EXOC7: variants seen among roughly 807,000 people sequenced by gnomAD.
EXOC7 encodes exocyst complex component 7, also known as exocyst complex component Exo70.
Under a neutral mutation model 87.6 loss-of-function variants are expected in EXOC7, and 51 were observed. That is an observed-to-expected ratio of 0.58 (90% confidence interval 0.46 to 0.73). The LOEUF is 0.73. Among genes scored for constraint, EXOC7 ranks in the 30% least tolerant of loss-of-function variants. EXOC7 has a pLI of 0.00. For synonymous variants in EXOC7, 327 were observed against 357.1 expected, an observed-to-expected ratio of 0.92 and a Z score of 0.95; for missense variants, 744 against 888.4, an observed-to-expected ratio of 0.84 and a Z score of 2.07.
chr17:76,092,242 A>ACTG (rs1274369199), intron 6 of EXOC7: 2 of 150,692 alleles, frequency 1.3e-5, no homozygotes, highest in African/African-American at 4.9e-5. Flanking sequence ...CTGGAGGCTC[A>ACTG]CTGCTTACAC....
rs2067459178 is a variant in EXOC7, at chr17:76,091,124, G to A, written c.901+19C>T. ...ACAGTGGAGGAGGAAGGGACAGGAG[G>A]GGAACACAGGGTGATTACCTTCCAG... On this transcript the variant is annotated intron_variant, in intron 7 of 18. Transcript: ENST00000589210. The A allele has an allele frequency of 3.1e-6, 5 of 1,602,966 alleles. No individual in the cohort carries two copies. The East Asian group carries it at 6.7e-5, about 21-fold the overall frequency.
In EXOC7 at chr17:76,094,416, G is replaced by A. The variant is rs763549915; in HGVS notation, c.806C>T (p.Pro269Leu). 6.2e-7 allele frequency: 1 copy of A among 1,612,448 alleles called. No individual in the cohort carries two copies. Among genetic ancestry groups the A allele is most frequent in the Non-Finnish European group, 8.5e-7 (1 of 1,179,110 alleles). Reference protein sequence around the residue: ...DTPTKKPVKRPGTIRKAQNLL... With the variant: ...DTPTKKPVKRLGTIRKAQNLL... ...GATGGGCCAGGATGGGGGCTCACCT[G>A]GCCGCTTGACTGGCTTCTTGGTAGG... is the stretch of plus-strand genomic sequence containing the variant. Residue 269 changes from proline to leucine, a missense_variant and splice_region_variant, in exon 6 of 19, where the codon CCA becomes CTA. This residue lies in a region of EXOC7 where 512 missense variants were observed against 573.0 expected (regional missense o/e 0.89). Transcript: ENST00000589210.
At chr17:76,090,653 G>A in intron 7 of EXOC7, 1 of 641,486 alleles carries the variant, frequency 1.6e-6, no homozygotes, top group East Asian at 2.8e-5. Flanking sequence ...GGAGGCCCAG[G>A]GAAAGCGGAG....
intron 2 of EXOC7, among the ~76,000 whole-genome samples, 188 bp from the exon 3 acceptor site, chr17:76,102,051 T>A (rs2144712413): frequency 6.6e-6 from 1 of 152,278 alleles, no homozygotes; most frequent in East Asian, 1.9e-4. Flanking sequence ...ATATAGTAGG[T>A]GGTCTAAGAC....
In EXOC7 at chr17:76,085,683, A is replaced by G; in HGVS notation, c.1610T>C (p.Leu537Pro). 1.2e-6 allele frequency: 2 copies of G among 1,614,086 alleles called. No individual in the cohort carries two copies. The highest frequency in any genetic ancestry group is 1.7e-6 in the Non-Finnish European group (2 of 1,180,034). The change falls in exon 14 of 19, where the codon CTG becomes CCG. Residue 537 changes from leucine (L) to proline (P), a missense_variant. Around this residue, in one of 3 missense-constraint regions of EXOC7, gnomAD observed 228 missense variants for 298.6 expected, o/e 0.76. Coordinates refer to ENST00000589210, the MANE Select transcript of EXOC7 (RefSeq NM_001013839.4). ...HNNYNYILKS[L>P]EKSELIQLVA... Reference sequence around the variant, plus strand: ...ACTCCCGCAGGCCACTTACTTCTCCAGGGACTTGAGGATGTAATTGTAGTT... The same window carrying G: ...ACTCCCGCAGGCCACTTACTTCTCCGGGGACTTGAGGATGTAATTGTAGTT...
chr17:76,090,038 C>T (rs961548135), intron 7 of EXOC7, among the ~76,000 whole-genome samples: 3 of 152,228 alleles, frequency 2.0e-5, no homozygotes, highest in Non-Finnish European at 4.4e-5. Flanking sequence ...TTGCAGGAGG[C>T]GGACGTCAGG....
Position 76,090,510 on chromosome 17 carries a change from G to A in EXOC7, c.901+633C>T, listed in dbSNP as rs764260467. On this transcript the variant is annotated intron_variant, in intron 7 of 18. Coordinates refer to ENST00000589210, the MANE Select transcript of EXOC7 (RefSeq NM_001013839.4). ...CATCTCCAGGAGGGGGACGTCAGATGGGGATGGGGAAGGGGGCATCGGAGA... is the reference window on the plus strand; with the variant it reads ...CATCTCCAGGAGGGGGACGTCAGATAGGGATGGGGAAGGGGGCATCGGAGA... 34 of 1,547,958 alleles carry A rather than the reference G, an allele frequency of 2.2e-5. No homozygotes were observed. In the Middle Eastern group the frequency reaches 1.3e-3, roughly 61 times the overall value.
intron 2 of EXOC7, among the ~76,000 whole-genome samples, chr17:76,102,677 A>C (rs901281476): frequency 6.6e-6 from 1 of 152,204 alleles, no homozygotes; most frequent in Non-Finnish European, 1.5e-5. Flanking sequence ...ACTAAATGCA[A>C]ATACAAGTTT....
Position 76,084,801 on chromosome 17 carries a change from G to A in EXOC7, c.1713-221C>T, listed in dbSNP as rs186591997. 1.3e-3 allele frequency: 735 copies of A among 581,132 alleles called. 3 individuals carry two copies. Among genetic ancestry groups the A allele is most frequent in the East Asian group, 6.5e-3 (227 of 35,152 alleles). 36.0% of individuals were successfully genotyped at this position (581,132 alleles called of 1,614,324 possible). ...GAAACACTTGAGTGTTCAATAAATT[G>A]GACAAATACTGTCAACTATACTTCA... On this transcript the variant is annotated intron_variant, in intron 15 of 18. Transcript: ENST00000589210.
rs145407229 is a variant in EXOC7 at position 76,094,891 on chromosome 17, G to A, written c.641-310C>T. ...CTCCCAGAGTGCTGGGATTACAGGC[G>A]TGAGTCACCATGCCTGGCCAGGCAG... On this transcript the variant is annotated intron_variant, in intron 5 of 18. Coordinates refer to ENST00000589210, the MANE Select transcript of EXOC7 (RefSeq NM_001013839.4). Among the ~76,000 whole-genome samples the A allele has an allele frequency of 2.8e-3, 425 of 149,152 alleles. 4 individuals carry two copies. Among genetic ancestry groups the A allele is most frequent in the African/African-American group, 0.01 (407 of 40,360 alleles).
rs1004011277 is a variant in EXOC7 at position 76,082,924 on chromosome 17, G to A, written c.*724C>T. The A allele has an allele frequency of 1.0e-4, 31 of 310,556 alleles. No homozygotes were observed. Among genetic ancestry groups the A allele is most frequent in the African/African-American group, 6.0e-4 (28 of 46,540 alleles). The allele number at this position is 310,556 out of a possible 1,614,324, so 19.2% of individuals were successfully genotyped here. The stretch of plus-strand genomic sequence containing the variant: ...CATTGTCCCTGTCTCCCAGCCCACA[G>A]GCAGGCAGCCTAATTGCTCCTTCTG... On this transcript the variant is annotated 3_prime_UTR_variant, in exon 19 of 19. Transcript: ENST00000589210.
rs371681819 is a variant in EXOC7, at chr17:76,101,411, T to C, written c.312-35A>G. ...AAAAGAGCCAGGTCAGGCTGGGGCA[T>C]GGGGGATGAAGAAGGACTAAGGACA... On this transcript the variant is annotated intron_variant, in intron 3 of 18. Transcript: ENST00000589210. 3.7e-6 allele frequency: 6 copies of C among 1,611,872 alleles called. No individual in the cohort carries two copies. The African/African-American group carries it at 6.7e-5, about 18-fold the overall frequency.
At chr17:76,092,925 C>T (rs2067567840) in intron 6 of EXOC7, 1 of 152,380 alleles carries the variant, frequency 6.6e-6, no homozygotes, top group Non-Finnish European at 1.5e-5. Flanking sequence ...CCTGAGCCCA[C>T]CAGTTCCTGA....
At chr17:76,103,568 A>C in intron 1 of EXOC7, 65 bp downstream of exon 1, 2 of 1,597,730 alleles carry the variant, frequency 1.3e-6, no homozygotes, top group Non-Finnish European at 1.7e-6. Context: ...ATGAGTAGAC[A>C]ATCAGGCCCC....
chr17:76,082,219 G>C lies in EXOC7; in HGVS notation c.*1429C>G. 1.1e-6 allele frequency: 1 copy of C among 929,640 alleles called. No homozygotes were observed. Among genetic ancestry groups the C allele is most frequent in the East Asian group, 2.7e-5 (1 of 37,508 alleles). The allele number at this position is 929,640 out of a possible 1,614,324, so 57.6% of individuals were successfully genotyped here. A position where few individuals can be genotyped will look rare whatever the true frequency, so the allele number is the denominator to read the frequency against. On this transcript the variant is annotated 3_prime_UTR_variant, in exon 19 of 19. Coordinates refer to ENST00000589210, the MANE Select transcript of EXOC7 (RefSeq NM_001013839.4). ...CCTTAGAAGAAACAGGTCTGGGGCA[G>C]GGAGCAAGCTGAGCCTCCCTGAAGT...
At chr17:76,094,254 T>G in intron 6 of EXOC7, 160 bp downstream of exon 6, 1 of 693,208 alleles carries the variant, frequency 1.4e-6, no homozygotes, top group Non-Finnish European at 2.3e-6. Flanking sequence ...CTTCACTGGG[T>G]GGGTAGACAC....
chr17:76,090,631 T>G, intron 7 of EXOC7: 1 of 699,846 alleles, frequency 1.4e-6, no homozygotes, highest in Non-Finnish European at 2.3e-6. Flanking sequence ...AGCTGCTCAT[T>G]TCCCCGAGCC....
At chr17:76,094,364 T>C (rs773321468) in intron 6 of EXOC7, 50 bp downstream of exon 6, 1 of 1,576,620 alleles carries the variant, frequency 6.3e-7, no homozygotes, top group Non-Finnish European at 8.6e-7. Context: ...AGCAGTACAG[T>C]CCCAGTCAGC....
Position 76,102,187 on chromosome 17 carries a change from C to T in EXOC7, c.127-324G>A, listed in dbSNP as rs541351934. Among the ~76,000 whole-genome samples, 8 of 152,346 alleles carry T rather than the reference C, an allele frequency of 5.3e-5. No individual in the cohort carries two copies. The East Asian group carries it at 1.5e-3, about 29-fold the overall frequency. On this transcript the variant is annotated intron_variant, in intron 2 of 18. Coordinates refer to ENST00000589210, the MANE Select transcript of EXOC7 (RefSeq NM_001013839.4). ...ATCTCAACTTCTGTTCTCTCTGAAG[C>T]ATTCCTAAACCGGACTGGAAGTAGT...
Sources: gnomAD v4.1 joint callset for allele counts (sites outside exome capture counted in the v4.1 genomes callset) on GRCh38, gnomAD v4.1.1 for gene constraint, gnomAD v4.1.1 regional missense constraint, MANE v1.5 for transcripts, NCBI Gene and HGNC (gene_info 2026-07-23, HGNC 2026-07-21) for gene names.